The following PROS1 variants were observed in gnomAD, a reference collection of about 807,000 sequenced individuals.
PROS1 encodes protein S.
Under a neutral mutation model 75.9 loss-of-function variants are expected in PROS1, and 29 were observed. The observed-to-expected ratio is 0.38, with a 90% CI of 0.28 to 0.52. PROS1 has a LOEUF of 0.52. Among genes scored for constraint, PROS1 ranks in the 20% least tolerant of loss-of-function variants. The pLI is 0.83. For synonymous variants in PROS1, 245 were observed against 280.6 expected (o/e 0.87, Z 1.27); for missense variants, 680 against 810.3 (o/e 0.84, Z 1.95).
intron 10 of PROS1, among the ~76,000 whole-genome samples, chr3:93,890,962 G>T (rs8178665): frequency 6.6e-6 from 1 of 151,960 alleles, no homozygotes. Context: ...AAAACTACCT[G>T]GGCATGGTGT....
intron 10 of PROS1, among the ~76,000 whole-genome samples, chr3:93,887,836 C>A (rs1708372538): frequency 6.6e-6 from 1 of 152,172 alleles, no homozygotes; most frequent in African/African-American, 2.4e-5. Context: ...GACACTATGA[C>A]TCCACTCCAG....
intron 1 of PROS1, among the ~76,000 whole-genome samples, chr3:93,953,155 G>T (rs1015608104): frequency 6.6e-6 from 1 of 152,122 alleles, no homozygotes; most frequent in Non-Finnish European, 1.5e-5. Flanking sequence ...GACATAAAAA[G>T]AGTTGTTACC....
In PROS1 at chr3:93,924,337, ATG is replaced by A; in HGVS notation, c.235-75_235-74del. The A allele has an allele frequency of 9.0e-6, 8 of 890,800 alleles. No homozygotes were observed. The East Asian group carries it at 1.0e-4, about 11-fold the overall frequency. 55.2% of individuals were successfully genotyped at this position (890,800 alleles called of 1,614,324 possible). A position where few individuals can be genotyped will look rare whatever the true frequency, so the allele number is the denominator to read the frequency against. On this transcript the variant is annotated intron_variant, in intron 2 of 14. Transcript: ENST00000394236. ...TATAGAGTTAAAACTTAATTTTATA[ATG>A]TGTTTTTATATTAAAGATGCAAATA... is the stretch of plus-strand genomic sequence containing the variant.
rs1709032149 is a variant in PROS1 at position 93,927,234 on chromosome 3, T to C, written c.234+16A>G. On this transcript the variant is annotated intron_variant, in intron 2 of 14. Coordinates refer to ENST00000394236, the MANE Select transcript of PROS1 (RefSeq NM_000313.4). Reference sequence around the variant, plus strand: ...TGTCTAGATGTGTGAACTTGATAGTTTCCATAAATGCTTACCGTTTCCGGG... The same window carrying C: ...TGTCTAGATGTGTGAACTTGATAGTCTCCATAAATGCTTACCGTTTCCGGG... 6.2e-7 allele frequency: 1 copy of C among 1,612,144 alleles called. No individual in the cohort carries two copies. Among genetic ancestry groups the C allele is most frequent in the South Asian group, 1.1e-5 (1 of 90,996 alleles).
intron 3 of PROS1, among the ~76,000 whole-genome samples, chr3:93,918,949 C>T (rs1164300383): frequency 6.6e-6 from 1 of 151,798 alleles, no homozygotes; most frequent in African/African-American, 2.4e-5. Flanking sequence ...TGTTATATAT[C>T]ACATCCTCTA....
At chr3:93,910,568 T>C (rs1401681102) in intron 4 of PROS1, 51 bp downstream of exon 4, 1 of 1,446,382 alleles carries the variant, frequency 6.9e-7, no homozygotes, top group Admixed American at 1.7e-5. Context: ...GGGTGTACTT[T>C]ACCTACAGAG....
intron 1 of PROS1, among the ~76,000 whole-genome samples, chr3:93,959,031 A>C (rs1040063948): frequency 2.6e-5 from 4 of 152,218 alleles, no homozygotes; most frequent in Non-Finnish European, 5.9e-5. Flanking sequence ...TTTGTAATTT[A>C]AAGTTGAAAC....
intron 1 of PROS1, among the ~76,000 whole-genome samples, chr3:93,967,134 C>A (rs1389303536): frequency 3.3e-5 from 5 of 152,156 alleles, no homozygotes; most frequent in Admixed American, 6.5e-5. Flanking sequence ...CACTAAGGCC[C>A]ACCCAGACTC....
rs1477273410 is a variant in PROS1, at chr3:93,877,053, T to C, written c.1783A>G (p.Ile595Val). The change falls in exon 14 of 15, where the codon ATC becomes GTC. Residue 595 changes from isoleucine to valine, a missense_variant. By Grantham distance (29) the Ile-to-Val change is conservative. Transcript: ENST00000394236. The part of the protein sequence containing the change: ...ELSTPLKIET[I>V]SHEDLQRQLA... ...TGTCTTTGAAGGTCTTCATGGGAGA[T>C]GGTTTCTATTTTAAGTGGTGTCGAC... The C allele has an allele frequency of 1.6e-5, 26 of 1,613,794 alleles. No homozygotes were observed. Among genetic ancestry groups the C allele is most frequent in the Non-Finnish European group, 2.1e-5 (25 of 1,179,862 alleles).
Position 93,924,246 on chromosome 3 carries a change from AT to A in PROS1, c.252del (p.Lys84AsnfsTer3), listed in dbSNP as rs1241365457. 2 of 1,297,052 alleles carry A rather than the reference AT, an allele frequency of 1.5e-6. No individual in the cohort carries two copies. Among genetic ancestry groups the A allele is most frequent in the African/African-American group, 3.0e-5 (2 of 67,394 alleles). 80.3% of individuals were successfully genotyped at this position (1,297,052 alleles called of 1,614,324 possible). A position where few individuals can be genotyped will look rare whatever the true frequency, so the allele number is the denominator to read the frequency against. On this transcript the variant is annotated frameshift_variant, in exon 3 of 15. Transcript: ENST00000394236. LOFTEE classifies it high-confidence loss of function. Reference protein sequence around the residue: ...NDPETDYFYPKYLVCLRSFQT... With the variant: ...NDPETDYFYPXYLVCLRSFQT... ...TGAGATGTTTTGAACTTACCTAAGT[AT>A]TTTGGATAAAAATAATCCTAGAAAG...
In PROS1 at chr3:93,973,757, C is replaced by G; in HGVS notation, c.-8G>C. 1 of 1,609,182 alleles carries G rather than the reference C, an allele frequency of 6.2e-7. No homozygotes were observed. Among genetic ancestry groups the G allele is most frequent in the Non-Finnish European group, 8.5e-7 (1 of 1,177,826 alleles). ...CCCACCCAGGACCCTCATTTCGAAG[C>G]GCGCGGAGGCGCCGGCAGGGACGGT... On this transcript the variant is annotated 5_prime_UTR_variant, in exon 1 of 15. Coordinates refer to ENST00000394236, the MANE Select transcript of PROS1 (RefSeq NM_000313.4).
At position 93,907,393 on chromosome 3, in the gene PROS1, G is replaced by A. The variant is rs533712290; in HGVS notation, c.347-1250C>T. On this transcript the variant is annotated intron_variant, in intron 4 of 14. Coordinates refer to ENST00000394236, the MANE Select transcript of PROS1 (RefSeq NM_000313.4). ...CCTCCTCTGCTGAGAGCTGCTGATG[G>A]GACAACCAGCTGCAGACAGGAGCCA... Among the ~76,000 whole-genome samples the A allele has an allele frequency of 2.6e-5, 4 of 152,074 alleles. 1 individual carries two copies. The highest frequency in any genetic ancestry group is 9.6e-5 in the African/African-American group (4 of 41,480).
At chr3:93,970,944 C>T (rs1406066173) in intron 1 of PROS1, among the ~76,000 whole-genome samples, 1 of 151,924 alleles carries the variant, frequency 6.6e-6, no homozygotes, top group Non-Finnish European at 1.5e-5. Flanking sequence ...GCTGTAGTGC[C>T]CTATAATAGT....
intron 1 of PROS1, among the ~76,000 whole-genome samples, chr3:93,943,859 A>C (rs1484724318): frequency 6.6e-6 from 1 of 152,122 alleles, no homozygotes; most frequent in African/African-American, 2.4e-5. Flanking sequence ...TCCCCCATTG[A>C]GCACCTTGTG....
intron 1 of PROS1, among the ~76,000 whole-genome samples, chr3:93,956,563 A>ACACACAC (rs57080075): frequency 4.7e-5 from 6 of 128,302 alleles, no homozygotes; most frequent in Non-Finnish European, 8.5e-5. Flanking sequence ...CACACACACA[A>ACACACAC]ACACACACAC....
At position 93,873,725 on chromosome 3, in the gene PROS1, T is replaced by A. The variant is rs9681204; in HGVS notation, c.*520A>T. Reference sequence around the variant, plus strand: ...CAAGAGAAAGATGAAGCCAAAGCTGTTCCCCCTGAGGAATTGTTTTGAAAT... The same window carrying A: ...CAAGAGAAAGATGAAGCCAAAGCTGATCCCCCTGAGGAATTGTTTTGAAAT... On this transcript the variant is annotated 3_prime_UTR_variant, in exon 15 of 15. Coordinates refer to ENST00000394236, the MANE Select transcript of PROS1 (RefSeq NM_000313.4). 1 of 154,090 alleles carries A rather than the reference T, an allele frequency of 6.5e-6. No individual in the cohort carries two copies. Among genetic ancestry groups the A allele is most frequent in the African/African-American group, 2.4e-5 (1 of 41,384 alleles). The allele number at this position is 154,090 out of a possible 1,614,324, so 9.5% of individuals were successfully genotyped here.
At chr3:93,925,237 G>T (rs1250494892) in intron 2 of PROS1, among the ~76,000 whole-genome samples, 1 of 152,118 alleles carries the variant, frequency 6.6e-6, no homozygotes, top group East Asian at 1.9e-4. Flanking sequence ...TGAGAAACCA[G>T]AATTTCTACA....
At chr3:93,958,961 C>T (rs572210295) in intron 1 of PROS1, among the ~76,000 whole-genome samples, 4 of 152,148 alleles carry the variant, frequency 2.6e-5, no homozygotes, top group South Asian at 2.1e-4. Flanking sequence ...AAAATTGACA[C>T]TTTTTGAAAA....
At chr3:93,959,480 C>T (rs1235081578) in intron 1 of PROS1, among the ~76,000 whole-genome samples, 1 of 152,200 alleles carries the variant, frequency 6.6e-6, no homozygotes, top group Non-Finnish European at 1.5e-5. Flanking sequence ...TTTCTCCCTT[C>T]TCTGACATTT....
Sources: allele counts gnomAD v4.1 joint callset (sites outside exome capture counted in the v4.1 genomes callset), GRCh38; gene constraint gnomAD v4.1.1; transcripts MANE v1.5; gene names NCBI Gene and HGNC (gene_info 2026-07-23, HGNC 2026-07-21).